COG4: variants seen among roughly 807,000 people sequenced by gnomAD.
The protein encoded by COG4 is conserved oligomeric Golgi complex subunit 4.
In COG4, 65 loss-of-function variants were observed where a neutral mutation model predicts 95.1. The ratio of observed to expected loss-of-function variants is 0.68; its 90% CI spans 0.56 to 0.84. The LOEUF (loss-of-function observed/expected upper bound fraction) is 0.84, where lower values mean the gene tolerates loss of function less well. Among genes scored for constraint, COG4 ranks in the 40% least tolerant of loss-of-function variants. COG4 has a pLI of 0.00. For synonymous variants in COG4, 421 were observed against 374.8 expected (o/e 1.12, Z -1.42); for missense variants, 1,045 against 989.1 (o/e 1.06, Z -0.76).
intron 13 of COG4, among the ~76,000 whole-genome samples, chr16:70,486,868 C>G: frequency 6.6e-6 from 1 of 151,990 alleles, no homozygotes; most frequent in Non-Finnish European, 1.5e-5. Context: ...TGGTGGCGCA[C>G]ACCTGTAGTC....
chr16:70,504,609 T>TAAAAAAAAAAAAAA (rs66751123), intron 8 of COG4, among the ~76,000 whole-genome samples: 226 of 121,872 alleles, frequency 1.9e-3, no homozygotes, highest in Middle Eastern at 8.0e-3. Flanking sequence ...AGATTCTATT[T>TAAAAAAAAAAAAAA]AAAAAAAAAA....
intron 3 of COG4, chr16:70,516,111 G>C: frequency 2.2e-6 from 1 of 453,436 alleles, no homozygotes; most frequent in Non-Finnish European, 4.4e-6. Context: ...TGTGTTTTTT[G>C]TCCTTTTTTC....
intron 8 of COG4, among the ~76,000 whole-genome samples, chr16:70,503,462 A>G (rs1175500375): frequency 6.6e-6 from 1 of 152,070 alleles, no homozygotes; most frequent in African/African-American, 2.4e-5. Context: ...CATATCCACC[A>G]TTTCAGGCTC....
At chr16:70,484,432 C>G (rs557191067) in intron 13 of COG4, among the ~76,000 whole-genome samples, 2 of 152,174 alleles carry the variant, frequency 1.3e-5, no homozygotes, top group African/African-American at 2.4e-5. Flanking sequence ...CCTTTCCCCC[C>G]CTTTTATATT....
intron 8 of COG4, among the ~76,000 whole-genome samples, chr16:70,504,857 G>A (rs894186528): frequency 6.7e-6 from 1 of 149,576 alleles, no homozygotes; most frequent in African/African-American, 2.5e-5. Context: ...GTTGCAGTGA[G>A]CTGAGATCAT....
chr16:70,493,871 T>C (rs562075573), intron 12 of COG4, among the ~76,000 whole-genome samples: 11 of 152,170 alleles, frequency 7.2e-5, no homozygotes, highest in African/African-American at 2.6e-4. Context: ...TGTAAACTGG[T>C]CTGCTGGTGG....
chr16:70,498,178 A>G lies in COG4; in HGVS notation c.1196-123T>C, dbSNP rs146628002. On this transcript the variant is annotated intron_variant, in intron 9 of 18. Transcript: ENST00000323786. ...AAATATGTACATATTTTACATCGTT[A>G]CAATCATGATACAGATAGCAATTTT... The G allele has an allele frequency of 1.4e-3, 953 of 702,064 alleles. 7 individuals carry two copies. The African/African-American group carries it at 0.015, about 11-fold the overall frequency. 43.5% of individuals were successfully genotyped at this position (702,064 alleles called of 1,614,324 possible).
intron 8 of COG4, among the ~76,000 whole-genome samples, chr16:70,506,607 A>AAAAAAAAAAAAAAAAAAAAAAAG (rs2049575353): frequency 1.6e-5 from 1 of 61,768 alleles, no homozygotes; most frequent in African/African-American, 5.4e-5. Context: ...AAAAAAAAAA[A>AAAAAAAAAAAAAAAAAAAAAAAG]AAAAAAAAAA....
Position 70,517,675 on chromosome 16 carries a change from T to C in COG4, c.320A>G (p.Asn107Ser). Residue 107 changes from asparagine to serine, a missense_variant, in exon 3 of 19, where the codon AAC becomes AGC. Coordinates refer to ENST00000323786, the MANE Select transcript of COG4 (RefSeq NM_015386.3). ...QLAGMITFTC[N>S]LAENVSSKVR... ...TTTGCTGGACACATTCTCAGCCAGG[T>C]TGCAGGTAAAGGTGATCATTCCAGC... 1.9e-6 allele frequency: 3 copies of C among 1,612,514 alleles called. No individual in the cohort carries two copies. The highest frequency in any genetic ancestry group is 2.5e-6 in the Non-Finnish European group (3 of 1,179,596).
At chr16:70,512,125 A>G (rs1161680336) in intron 5 of COG4, 114 bp downstream of exon 5, 1 of 974,394 alleles carries the variant, frequency 1.0e-6, no homozygotes, top group African/African-American at 1.6e-5. Flanking sequence ...AAGGGCAGGA[A>G]GGGGAGTCAT....
At chr16:70,513,695 A>T (rs546062600) in intron 4 of COG4, among the ~76,000 whole-genome samples, 18 of 152,334 alleles carry the variant, frequency 1.2e-4, no homozygotes, top group African/African-American at 3.8e-4. Flanking sequence ...GGGTGGTACA[A>T]GATTTTATCA....
Position 70,510,164 on chromosome 16 carries a change from A to G in COG4, c.739-143T>C. On this transcript the variant is annotated intron_variant, in intron 5 of 18. Coordinates refer to ENST00000323786, the MANE Select transcript of COG4 (RefSeq NM_015386.3). Reference sequence around the variant, plus strand: ...TCTGGAAGCCCAGGCAGCACAGAGGAAACTCCCTTGAGGGACAGTCTGAGC... The same window carrying G: ...TCTGGAAGCCCAGGCAGCACAGAGGGAACTCCCTTGAGGGACAGTCTGAGC... 7.0e-6 allele frequency: 5 copies of G among 715,850 alleles called. No individual in the cohort carries two copies. In the South Asian group the frequency reaches 7.5e-5, roughly 11 times the overall value. The allele number at this position is 715,850 out of a possible 1,614,324, so 44.3% of individuals were successfully genotyped here.
intron 8 of COG4, among the ~76,000 whole-genome samples, chr16:70,505,197 CTTTTTTTTTT>C (rs767606425): frequency 8.2e-6 from 1 of 122,670 alleles, no homozygotes; most frequent in Non-Finnish European, 1.7e-5. Flanking sequence ...TTTGGATTTT[CTTTTTTTTTT>C]TTTTTTTTGA....
intron 12 of COG4, among the ~76,000 whole-genome samples, chr16:70,490,726 C>T (rs2049226959): frequency 6.6e-6 from 1 of 151,986 alleles, no homozygotes; most frequent in Non-Finnish European, 1.5e-5. Flanking sequence ...CTCTGTCACC[C>T]AGGCTGGACT....
chr16:70,497,370 GGTGTCCAGAGCCACAGCCTACCCAA>G lies in COG4; in HGVS notation c.1315-8_1331del. On this transcript the variant is annotated splice_acceptor_variant and splice_polypyrimidine_tract_variant and coding_sequence_variant and intron_variant, in exon 11 of 19. Transcript: ENST00000323786. LOFTEE classifies it high-confidence loss of function. ...TGGATGTCAGCTGGCCCTTCTCATA[GGTGTCCAGAGCCACAGCCTACCCAA>G]AAGGCAAAGCCAACACTGAGGGTCC... 1 of 1,613,582 alleles carries G rather than the reference GGTGTCCAGAGCCACAGCCTACCCAA, an allele frequency of 6.2e-7. No individual in the cohort carries two copies. The highest frequency in any genetic ancestry group is 8.5e-7 in the Non-Finnish European group (1 of 1,180,026).
chr16:70,519,787 T>C, intron 1 of COG4, 56 bp from the exon 2 acceptor site: 1 of 1,294,568 alleles, frequency 7.7e-7, no homozygotes. Flanking sequence ...CCTTAAGAGT[T>C]ATCTAATCCA....
intron 13 of COG4, among the ~76,000 whole-genome samples, chr16:70,489,945 G>A (rs2049211178): frequency 6.6e-6 from 1 of 152,114 alleles, no homozygotes; most frequent in African/African-American, 2.4e-5. Flanking sequence ...AGTTTCCCAA[G>A]CAGCTGGGAT....
chr16:70,507,398 T>C (rs761713679), intron 8 of COG4, among the ~76,000 whole-genome samples: 3 of 152,206 alleles, frequency 2.0e-5, no homozygotes, highest in Non-Finnish European at 2.9e-5. Context: ...ATACAAGTAC[T>C]TACCATCGTG....
At position 70,482,146 on chromosome 16, in the gene COG4, G is replaced by A. The variant is rs751066238; in HGVS notation, c.1950C>T (p.Asp650=). Residue 650 remains aspartate, a synonymous_variant, in exon 16 of 19, where the codon GAC becomes GAT. Transcript: ENST00000323786. The stretch of plus-strand genomic sequence containing the variant: ...TAAGGATGAACTGTTGTACCCAAGG[G>A]TCGTTGGCCTCATAGTCATTGAATT... ...EEEFNDYEAN[D]PWVQQFILNL... 11 of 1,613,968 alleles carry A rather than the reference G, an allele frequency of 6.8e-6. No homozygotes were observed. Among genetic ancestry groups the A allele is most frequent in the South Asian group, 1.1e-5 (1 of 91,076 alleles).
Sources: gnomAD v4.1 joint callset for allele counts (sites outside exome capture counted in the v4.1 genomes callset) on GRCh38, gnomAD v4.1.1 for gene constraint, MANE v1.5 for transcripts, NCBI Gene and HGNC (gene_info 2026-07-23, HGNC 2026-07-21) for gene names.